SLC25A46: variants seen among roughly 807,000 people sequenced by gnomAD.
SLC25A46 encodes the protein mitochondrial outer membrane protein SLC25A46.
SLC25A46 carries 39 observed loss-of-function variants against 44.6 expected under a neutral mutation model. That is an observed-to-expected ratio of 0.87 (90% confidence interval 0.68 to 1.14). The LOEUF (loss-of-function observed/expected upper bound fraction) is 1.14, where lower values mean the gene tolerates loss of function less well. Among genes scored for constraint, SLC25A46 ranks in the 50% most tolerant of loss-of-function variants. The pLI is 0.00. For synonymous variants in SLC25A46, 202 were observed against 185.8 expected (o/e 1.09, Z -0.71); for missense variants, 547 against 522.7 (o/e 1.05, Z -0.45).
rs745764713 is a variant in SLC25A46, at chr5:110,761,574, T to C, written c.1049T>C (p.Ile350Thr). The change falls in exon 8 of 8, where the codon ATT (isoleucine) becomes ACT (threonine). Residue 350 changes from isoleucine to threonine, a missense_variant. By Grantham distance (89) the Ile-to-Thr change is moderately conservative. Transcript: ENST00000355943. The surrounding 1 kb of genome is among the most constrained non-coding windows in gnomAD (Gnocchi z 5.3). Reference protein sequence around the residue: ...RLHIQGTRTIIDNTDLGYEVL... With the variant: ...RLHIQGTRTITDNTDLGYEVL... ...CACATTCAAGGAACACGCACAATAATTGACAATACAGACCTTGGCTATGAA... is the reference window on the plus strand; with the variant it reads ...CACATTCAAGGAACACGCACAATAACTGACAATACAGACCTTGGCTATGAA... The C allele has an allele frequency of 1.9e-6, 3 of 1,613,794 alleles. No homozygotes were observed. The Admixed American group carries it at 5.0e-5, about 27-fold the overall frequency.
At chr5:110,746,461 G>A (rs1195687575) in intron 4 of SLC25A46, 115 bp downstream of exon 4, 1 of 646,304 alleles carries the variant, frequency 1.5e-6, no homozygotes, top group Non-Finnish European at 2.7e-6. Flanking sequence ...CTTAACTGTT[G>A]TAGTAAAACT....
Position 110,739,392 on chromosome 5 carries a change from G to T in SLC25A46, c.273G>T (p.Gly91=), listed in dbSNP as rs770228533. 18 of 1,544,674 alleles carry T rather than the reference G, an allele frequency of 1.2e-5. 1 individual carries two copies. In the South Asian group the frequency reaches 1.8e-4, roughly 15 times the overall value. The stretch of plus-strand genomic sequence containing the variant: ...GTGGCGGCGGCGGCAGTGTGCAGGG[G>T]CAGAGCAGTGGTGAGAAGCATGGGG... ...FSSGGGGSVQ[G]QSSEQLNRFA... The change falls in exon 1 of 8, where the codon GGG becomes GGT. Residue 91 remains glycine, a synonymous_variant. Transcript: ENST00000355943.
chr5:110,744,431 T>A (rs1799766111), intron 3 of SLC25A46, among the ~76,000 whole-genome samples: 1 of 152,236 alleles, frequency 6.6e-6, no homozygotes, highest in African/African-American at 2.4e-5. Context: ...GAATAGATAT[T>A]TTTACTTATG....
intron 5 of SLC25A46, among the ~76,000 whole-genome samples, chr5:110,750,818 C>A (rs1163430723): frequency 6.6e-6 from 1 of 152,056 alleles, no homozygotes; most frequent in Non-Finnish European, 1.5e-5. Context: ...TGGTTCAGGT[C>A]CTGGCTATTC....
At chr5:110,759,357 G>C (rs1225794307) in intron 7 of SLC25A46, among the ~76,000 whole-genome samples, 1 of 152,174 alleles carries the variant, frequency 6.6e-6, no homozygotes, top group Non-Finnish European at 1.5e-5. Context: ...AATATTCTAA[G>C]TAGAGGGAAG....
rs1800246118 is a variant in SLC25A46 at position 110,761,386 on chromosome 5, A to C, written c.861A>C (p.Leu287=). 1 of 1,613,608 alleles carries C rather than the reference A, an allele frequency of 6.2e-7. No individual in the cohort carries two copies. Among genetic ancestry groups the C allele is most frequent in the African/African-American group, 1.3e-5 (1 of 74,876 alleles). The part of the protein sequence containing the change: ...IISSVIQKFV[L]LILKRKTYNS... Reference sequence around the variant, plus strand: ...GCTCAGTTATTCAGAAGTTTGTCCTACTAATTCTAAAGAGAAAGACTTACA... The same window carrying C: ...GCTCAGTTATTCAGAAGTTTGTCCTCCTAATTCTAAAGAGAAAGACTTACA... The change falls in exon 8 of 8, where the codon CTA becomes CTC. Residue 287 remains leucine, a synonymous_variant. Coordinates refer to ENST00000355943, the MANE Select transcript of SLC25A46 (RefSeq NM_138773.4). The surrounding 1 kb of genome is among the most constrained non-coding windows in gnomAD (Gnocchi z 5.3).
In SLC25A46 at chr5:110,761,452, G is replaced by A. The variant is rs777447707; in HGVS notation, c.927G>A (p.Met309Ile). 6.2e-7 allele frequency: 1 copy of A among 1,613,734 alleles called. No individual in the cohort carries two copies. Among genetic ancestry groups the A allele is most frequent in the Non-Finnish European group, 8.5e-7 (1 of 1,179,792 alleles). Residue 309 changes from methionine to isoleucine, a missense_variant, in exon 8 of 8, where the codon ATG becomes ATA. Transcript: ENST00000355943. This position sits in a 1 kb window ranked among gnomAD's most constrained non-coding sequence, Gnocchi z 5.3. Reference protein sequence around the residue: ...LAESTSPVQSMLDAYFPELIA... With the variant: ...LAESTSPVQSILDAYFPELIA... ...AGAGCACTAGCCCTGTGCAGAGTATGTTGGATGCTTATTTTCCAGAACTTA... is the reference window on the plus strand; with the variant it reads ...AGAGCACTAGCCCTGTGCAGAGTATATTGGATGCTTATTTTCCAGAACTTA...
At chr5:110,757,185 T>G (rs1468060393) in intron 7 of SLC25A46, among the ~76,000 whole-genome samples, 1 of 152,174 alleles carries the variant, frequency 6.6e-6, no homozygotes, top group Non-Finnish European at 1.5e-5. Flanking sequence ...GGTAGTTTAC[T>G]GACAGGATTC....
intron 1 of SLC25A46, among the ~76,000 whole-genome samples, chr5:110,740,690 G>T (rs896123128): frequency 6.6e-6 from 1 of 152,128 alleles, no homozygotes; most frequent in Non-Finnish European, 1.5e-5. Context: ...GGTGGCTCAC[G>T]CCTGTAATCC....
chr5:110,745,774 A>G (rs1428380338), intron 3 of SLC25A46: 5 of 152,670 alleles, frequency 3.3e-5, no homozygotes, highest in African/African-American at 9.7e-5. Context: ...GATCCAATGG[A>G]TACATTACAT....
rs1302763920 is a variant in SLC25A46, at chr5:110,765,022, A to G, written c.*3240A>G. Reference sequence around the variant, plus strand: ...AGAGTAACAAAATCATGATTTGACAATGAAATTTACATATTGCCTCACCTA... The same window carrying G: ...AGAGTAACAAAATCATGATTTGACAGTGAAATTTACATATTGCCTCACCTA... On this transcript the variant is annotated 3_prime_UTR_variant, in exon 8 of 8. Transcript: ENST00000355943. 1.3e-5 allele frequency: 2 copies of G among 151,760 alleles called. No homozygotes were observed. Among genetic ancestry groups the G allele is most frequent in the East Asian group, 1.9e-4 (1 of 5,152 alleles). The allele number at this position is 151,760 out of a possible 1,614,324, so 9.4% of individuals were successfully genotyped here.
intron 5 of SLC25A46, among the ~76,000 whole-genome samples, chr5:110,751,710 G>A (rs926569192): frequency 6.6e-6 from 1 of 152,142 alleles, no homozygotes; most frequent in African/African-American, 2.4e-5. Context: ...AAAAGATAGT[G>A]GCTAAGATCA....
intron 2 of SLC25A46, among the ~76,000 whole-genome samples, chr5:110,743,496 T>G (rs1799739879): frequency 6.6e-6 from 1 of 152,116 alleles, no homozygotes; most frequent in Non-Finnish European, 1.5e-5. Flanking sequence ...ATTGTTTCCC[T>G]TATTTACTAG....
chr5:110,741,902 C>T (rs1799700825), intron 1 of SLC25A46, 145 bp from the exon 2 acceptor site: 1 of 599,986 alleles, frequency 1.7e-6, no homozygotes, highest in South Asian at 2.2e-5. Flanking sequence ...TTTACCTGGC[C>T]CCTATCAGAA....
chr5:110,758,338 T>C (rs910333911), intron 7 of SLC25A46, among the ~76,000 whole-genome samples: 1 of 152,166 alleles, frequency 6.6e-6, no homozygotes, highest in African/African-American at 2.4e-5. Flanking sequence ...TTAAAAACAA[T>C]CTCATCTGTC....
At chr5:110,755,384 ACT>A (rs1800083723) in intron 5 of SLC25A46, 79 bp from the exon 6 acceptor site, 1 of 809,736 alleles carries the variant, frequency 1.2e-6, no homozygotes, top group Non-Finnish European at 2.0e-6. Flanking sequence ...GAAGTTGATT[ACT>A]GTTTTGAAAA....
chr5:110,738,494 C>T (rs1396320965), upstream of SLC25A46, among the ~76,000 whole-genome samples: 1 of 152,154 alleles, frequency 6.6e-6, no homozygotes, highest in African/African-American at 2.4e-5. Context: ...AAAATGCTTG[C>T]TCTGGTGGTC....
chr5:110,749,722 G>C (rs1799913035), intron 5 of SLC25A46, among the ~76,000 whole-genome samples: 1 of 152,052 alleles, frequency 6.6e-6, no homozygotes. Context: ...AGGGTTATTT[G>C]GTGAAAAAAT....
chr5:110,747,625 T>C (rs554592225), intron 4 of SLC25A46, among the ~76,000 whole-genome samples: 2 of 152,194 alleles, frequency 1.3e-5, no homozygotes, highest in African/African-American at 4.8e-5. Flanking sequence ...TGTAGTCAAA[T>C]TGATATAAAG....
Sources: gnomAD v4.1 joint callset for allele counts (sites outside exome capture counted in the v4.1 genomes callset) on GRCh38, gnomAD v4.1.1 for gene constraint, Gnocchi (gnomAD v3.1) non-coding constraint, MANE v1.5 for transcripts, NCBI Gene and HGNC (gene_info 2026-07-23, HGNC 2026-07-21) for gene names.